The following SCN8A variants were observed in gnomAD, a reference collection of about 807,000 sequenced individuals.
SCN8A encodes sodium voltage-gated channel alpha subunit 8, also known as sodium channel protein type 8 subunit alpha.
Under a neutral mutation model 184.1 loss-of-function variants are expected in SCN8A, and 30 were observed. That is an observed-to-expected ratio of 0.16 (90% CI 0.12 to 0.22). The LOEUF (loss-of-function observed/expected upper bound fraction) is 0.22, where lower values mean the gene tolerates loss of function less well. Ranked by LOEUF, SCN8A falls within the 10% of genes least tolerant of loss-of-function variation. The probability of loss-of-function intolerance (pLI) is 1.00; values close to 1 mark genes in which losing one functional copy is unlikely to be tolerated. For missense variants in SCN8A, 1,057 were observed against 2,498.9 expected (o/e 0.42, Z 12.30); for synonymous variants, 852 against 907.0 (o/e 0.94, Z 1.09).
intron 5 of SCN8A, among the ~76,000 whole-genome samples, chr12:51,687,604 T>C (rs1315774976): frequency 6.6e-6 from 1 of 152,208 alleles, no homozygotes; most frequent in African/African-American, 2.4e-5. Flanking sequence ...ATTAGTTTCC[T>C]GGGTATGTCT....
At chr12:51,640,212 G>GTTTTTT (rs57362371) in intron 1 of SCN8A, among the ~76,000 whole-genome samples, 3 of 34,776 alleles carry the variant, frequency 8.6e-5, no homozygotes, top group African/African-American at 3.6e-4. Context: ...TGCCTGGCCT[G>GTTTTTT]TTTTTTTTTT....
At chr12:51,657,413 G>A (rs1940843673) in intron 1 of SCN8A, among the ~76,000 whole-genome samples, 1 of 151,944 alleles carries the variant, frequency 6.6e-6, no homozygotes, top group Admixed American at 6.6e-5. Flanking sequence ...ATACGTTTTG[G>A]CCATTTATAT....
At chr12:51,722,114 C>A (rs1942079031) in intron 12 of SCN8A, 3 of 724,788 alleles carry the variant, frequency 4.1e-6, no homozygotes, top group African/African-American at 1.8e-5. Context: ...CTTCAGTTTT[C>A]CCCCTATTAC....
Position 51,721,714 on chromosome 12 carries a change from T to C in SCN8A, c.1804T>C (p.Phe602Leu). 6.3e-7 allele frequency: 1 copy of C among 1,591,964 alleles called. No homozygotes were observed. The highest frequency in any genetic ancestry group is 1.1e-5 in the South Asian group (1 of 88,794). Residue 602 changes from phenylalanine to leucine, a missense_variant, in exon 12 of 27, where the codon TTC (phenylalanine) becomes CTC (leucine). This residue lies in a region of SCN8A where 322 missense variants were observed against 390.1 expected (regional missense o/e 0.83). Coordinates refer to ENST00000627620, the MANE Select transcript of SCN8A (RefSeq NM_001330260.2). ...GAGCGAGGGCCGCCGGGACTCCCTC[T>C]TCATCCCCATCCGGGCCCGCGAGCG... Reference protein sequence around the residue: ...EESEGRRDSLFIPIRARERRS... With the variant: ...EESEGRRDSLLIPIRARERRS...
chr12:51,599,135 C>T (rs1268466280), intron 1 of SCN8A, among the ~76,000 whole-genome samples: 2 of 152,144 alleles, frequency 1.3e-5, no homozygotes, highest in South Asian at 2.1e-4. Context: ...TCTAAATCGC[C>T]TGCTTGACCA....
chr12:51,767,573 A>C (rs146762702), intron 16 of SCN8A, among the ~76,000 whole-genome samples: 11 of 152,346 alleles, frequency 7.2e-5, no homozygotes, highest in Non-Finnish European at 1.6e-4. Flanking sequence ...GTACTTTATA[A>C]AAATGTGGTC....
At chr12:51,782,475 A>C (rs1345191914) in intron 21 of SCN8A, among the ~76,000 whole-genome samples, 1 of 152,226 alleles carries the variant, frequency 6.6e-6, no homozygotes, top group East Asian at 1.9e-4. Context: ...TGACTGAAAA[A>C]CTGAGGACAA....
At chr12:51,763,196 T>C (rs1445543181) in intron 15 of SCN8A, among the ~76,000 whole-genome samples, 2 of 152,234 alleles carry the variant, frequency 1.3e-5, no homozygotes, top group Non-Finnish European at 2.9e-5. Flanking sequence ...GCTCAACTTA[T>C]AATTTTTCCG....
intron 14 of SCN8A, 146 bp from the exon 15 acceptor site, chr12:51,762,357 G>A: frequency 1.4e-6 from 1 of 739,412 alleles, no homozygotes; most frequent in Non-Finnish European, 2.2e-6. Context: ...GTGCTCATGA[G>A]ACATCCAGGT....
intron 14 of SCN8A, among the ~76,000 whole-genome samples, chr12:51,757,645 C>T (rs1381157841): frequency 6.6e-6 from 1 of 152,146 alleles, no homozygotes; most frequent in African/African-American, 2.4e-5. Context: ...CCAAACTAGA[C>T]TAGGCATGGC....
chr12:51,710,865 T>G lies in SCN8A; in HGVS notation c.1635+4150T>G, dbSNP rs182081148. The stretch of plus-strand genomic sequence containing the variant: ...CCTCTTTATTTGTTGCTTTTTACTC[T>G]ACATATAGAAAGTACTCTACATATA... On this transcript the variant is annotated intron_variant, in intron 11 of 26. Transcript: ENST00000627620. Among the ~76,000 whole-genome samples the G allele has an allele frequency of 4.1e-3, 625 of 152,352 alleles. 5 individuals carry two copies. The highest frequency in any genetic ancestry group is 6.8e-3 in the Middle Eastern group (2 of 294).
intron 14 of SCN8A, among the ~76,000 whole-genome samples, chr12:51,753,507 T>G (rs1942627127): frequency 6.6e-6 from 1 of 152,206 alleles, no homozygotes; most frequent in South Asian, 2.1e-4. Context: ...GTTGGGTACG[T>G]GCTGGACCTC....
In SCN8A at chr12:51,809,930, T is replaced by C. The variant is rs1447915105; in HGVS notation, c.*2501T>C. ...GTCTTTTCCAAAACAACAAAAAATA[T>C]ATATTTTTGTTCCAATGTGCAATAA... On this transcript the variant is annotated 3_prime_UTR_variant, in exon 27 of 27. Coordinates refer to ENST00000627620, the MANE Select transcript of SCN8A (RefSeq NM_001330260.2). 6.6e-6 allele frequency: 1 copy of C among 152,212 alleles called. No individual in the cohort carries two copies. Among genetic ancestry groups the C allele is most frequent in the Non-Finnish European group, 1.5e-5 (1 of 68,040 alleles). 9.4% of individuals were successfully genotyped at this position (152,212 alleles called of 1,614,324 possible).
At chr12:51,770,782 C>A in intron 19 of SCN8A, 99 bp downstream of exon 19, 1 of 1,268,184 alleles carries the variant, frequency 7.9e-7, no homozygotes, top group Non-Finnish European at 1.1e-6. Context: ...GCTCTGAAAA[C>A]AGATTGGCTG....
At chr12:51,647,170 C>T (rs960255889) in intron 1 of SCN8A, among the ~76,000 whole-genome samples, 1 of 151,984 alleles carries the variant, frequency 6.6e-6, no homozygotes, top group Non-Finnish European at 1.5e-5. Context: ...ACAGTGGGAC[C>T]CCATCTCTGA....
chr12:51,753,309 C>G (rs1942624093), intron 14 of SCN8A, among the ~76,000 whole-genome samples: 1 of 152,020 alleles, frequency 6.6e-6, no homozygotes. Context: ...AGTATATAGT[C>G]CAGCATACTT....
At chr12:51,655,809 A>G (rs1940811679) in intron 1 of SCN8A, among the ~76,000 whole-genome samples, 2 of 152,192 alleles carry the variant, frequency 1.3e-5, no homozygotes, top group South Asian at 4.1e-4. Flanking sequence ...TTGCTTTATC[A>G]TCTGGGCTGC....
At position 51,661,498 on chromosome 12, in the gene SCN8A, G is replaced by A. The variant is rs182700558; in HGVS notation, c.-54-1266G>A. Among the ~76,000 whole-genome samples, 182 of 152,254 alleles carry A rather than the reference G, an allele frequency of 1.2e-3. 2 individuals are homozygous for A. Among genetic ancestry groups the A allele is most frequent in the Non-Finnish European group, 1.8e-3 (120 of 68,024 alleles). On this transcript the variant is annotated intron_variant, in intron 1 of 26. Coordinates refer to ENST00000627620, the MANE Select transcript of SCN8A (RefSeq NM_001330260.2). Reference sequence around the variant, plus strand: ...GTGGATTTGTGGAAGGAGCTCTTGGGTATCTCATTCCCAACTTATTTAGAG... The same window carrying A: ...GTGGATTTGTGGAAGGAGCTCTTGGATATCTCATTCCCAACTTATTTAGAG...
At chr12:51,650,025 C>G (rs1940674575) in intron 1 of SCN8A, among the ~76,000 whole-genome samples, 1 of 152,122 alleles carries the variant, frequency 6.6e-6, no homozygotes, top group Non-Finnish European at 1.5e-5. Flanking sequence ...GCCAGATACC[C>G]TAAATCATCT....
Sources: gnomAD v4.1 joint callset for allele counts (sites outside exome capture counted in the v4.1 genomes callset) on GRCh38, gnomAD v4.1.1 for gene constraint, gnomAD v4.1.1 regional missense constraint, MANE v1.5 for transcripts, NCBI Gene and HGNC (gene_info 2026-07-23, HGNC 2026-07-21) for gene names.